The following ELMO1 variants were observed in gnomAD, a reference collection of about 807,000 sequenced individuals.
ELMO1 encodes engulfment and cell motility protein 1.
ELMO1 carries 26 observed loss-of-function variants against 98.9 expected under a neutral mutation model. The ratio of observed to expected loss-of-function variants is 0.26; its 90% CI spans 0.19 to 0.36. ELMO1 has a LOEUF of 0.36. Among genes scored for constraint, ELMO1 ranks in the 10% least tolerant of loss-of-function variants. The pLI is 1.00. For missense variants in ELMO1, 627 were observed against 935.2 expected, an observed-to-expected ratio of 0.67 and a Z score of 4.30; for synonymous variants, 346 against 346.0, an observed-to-expected ratio of 1.00 and a Z score of 0.00.
intron 1 of ELMO1, among the ~76,000 whole-genome samples, chr7:37,385,610 A>G (rs182565170): frequency 2.9e-4 from 44 of 152,186 alleles, no homozygotes; most frequent in African/African-American, 1.0e-3. Context: ...TTACTTGTTT[A>G]TTTTCTGGAT....
chr7:37,008,213 C>T (rs531318112), intron 16 of ELMO1, among the ~76,000 whole-genome samples: 19 of 152,288 alleles, frequency 1.2e-4, no homozygotes, highest in East Asian at 1.9e-4. Flanking sequence ...TTTATAAAAG[C>T]GTCAATCATC....
At chr7:37,173,353 T>C (rs56378865) in intron 13 of ELMO1, among the ~76,000 whole-genome samples, 11,190 of 151,862 alleles carry the variant, frequency 0.074, 467 homozygotes, top group Middle Eastern at 0.13. Flanking sequence ...AAAAGGACCA[T>C]TGAGGGAGTA....
chr7:37,381,148 T>C (rs1802562419), intron 1 of ELMO1, among the ~76,000 whole-genome samples: 1 of 152,208 alleles, frequency 6.6e-6, no homozygotes. Context: ...GGGTTACAAA[T>C]AGATACTAGC....
intron 2 of ELMO1, among the ~76,000 whole-genome samples, chr7:37,340,948 A>C (rs1321431364): frequency 2.6e-5 from 4 of 152,216 alleles, no homozygotes; most frequent in Non-Finnish European, 5.9e-5. Context: ...GGGACCACTG[A>C]AAATAGTTAT....
At chr7:36,938,198 T>A (rs1374544831) in intron 16 of ELMO1, among the ~76,000 whole-genome samples, 1 of 152,212 alleles carries the variant, frequency 6.6e-6, no homozygotes, top group Non-Finnish European at 1.5e-5. Context: ...TCCAAATGTG[T>A]TTCTTCCAGT....
At chr7:36,895,246 T>C (rs1038394893) in intron 16 of ELMO1, among the ~76,000 whole-genome samples, 1 of 152,056 alleles carries the variant, frequency 6.6e-6, no homozygotes, top group African/African-American at 2.4e-5. Flanking sequence ...AGGGAACTGG[T>C]GGGGTGGGGA....
At chr7:37,096,830 TC>T in intron 14 of ELMO1, 103 bp from the exon 15 acceptor site, 1 of 1,085,156 alleles carries the variant, frequency 9.2e-7, no homozygotes. Flanking sequence ...CCACTTCAGA[TC>T]CCCAAACGAA....
chr7:37,445,232 A>G (rs1805563397), intron 1 of ELMO1, among the ~76,000 whole-genome samples: 1 of 152,220 alleles, frequency 6.6e-6, no homozygotes, highest in African/African-American at 2.4e-5. Flanking sequence ...AACCAGAACT[A>G]AAGTTGCACA....
chr7:37,123,203 C>A (rs184435944), intron 14 of ELMO1, among the ~76,000 whole-genome samples: 11 of 152,230 alleles, frequency 7.2e-5, no homozygotes, highest in Admixed American at 7.2e-4. Context: ...AAAATTGACA[C>A]CCTAACTTCA....
At chr7:36,898,216 A>G (rs1806189051) in intron 16 of ELMO1, among the ~76,000 whole-genome samples, 1 of 152,226 alleles carries the variant, frequency 6.6e-6, no homozygotes, top group African/African-American at 2.4e-5. Context: ...ACAAATCAAG[A>G]CATTCACAAC....
chr7:37,175,796 G>A (rs1479028358), intron 13 of ELMO1, among the ~76,000 whole-genome samples: 3 of 152,032 alleles, frequency 2.0e-5, no homozygotes, highest in Non-Finnish European at 2.9e-5. Context: ...GCAGTGAGCC[G>A]AGATTGTACC....
chr7:37,111,950 T>A (rs1025102804), intron 14 of ELMO1, among the ~76,000 whole-genome samples: 3 of 152,210 alleles, frequency 2.0e-5, no homozygotes, highest in Admixed American at 2.0e-4. Context: ...TGAGATTTGT[T>A]GTAAGGCTTT....
intron 16 of ELMO1, among the ~76,000 whole-genome samples, chr7:36,996,511 G>A (rs1792222990): frequency 6.6e-6 from 1 of 152,186 alleles, no homozygotes; most frequent in African/African-American, 2.4e-5. Context: ...AACAGAGAGA[G>A]TAGATATGAT....
chr7:36,999,375 G>A (rs1270915026), intron 16 of ELMO1, among the ~76,000 whole-genome samples: 1 of 152,084 alleles, frequency 6.6e-6, no homozygotes, highest in East Asian at 1.9e-4. Context: ...CCTAATCTTG[G>A]TTCATTTCAT....
At chr7:37,415,295 G>A (rs537126108) in intron 1 of ELMO1, among the ~76,000 whole-genome samples, 2 of 152,180 alleles carry the variant, frequency 1.3e-5, no homozygotes, top group African/African-American at 2.4e-5. Flanking sequence ...GTTATGTTAC[G>A]TGAAAATACA....
At chr7:36,973,206 A>G (rs550747971) in intron 16 of ELMO1, among the ~76,000 whole-genome samples, 1 of 152,346 alleles carries the variant, frequency 6.6e-6, no homozygotes, top group South Asian at 2.1e-4. Context: ...AGCATGGTGC[A>G]GGCTCCCATC....
At chr7:37,184,032 T>C (rs1489191011) in intron 13 of ELMO1, among the ~76,000 whole-genome samples, 1 of 152,220 alleles carries the variant, frequency 6.6e-6, no homozygotes, top group African/African-American at 2.4e-5. Context: ...GGTTTGTTTT[T>C]CTCATTGGGG....
intron 4 of ELMO1, among the ~76,000 whole-genome samples, chr7:37,272,680 G>GA (rs35128089): frequency 3.0e-3 from 334 of 112,618 alleles, no homozygotes; most frequent in African/African-American, 5.1e-3. Context: ...CGTCTTAAAG[G>GA]AAAAAAAAAA....
chr7:36,877,401 G>A (rs1804068924), intron 19 of ELMO1, among the ~76,000 whole-genome samples: 2 of 151,944 alleles, frequency 1.3e-5, no homozygotes, highest in African/African-American at 4.8e-5. Flanking sequence ...TTCCCTGTGG[G>A]GCTAAAAGAA....
Sources: gnomAD v4.1 joint callset for allele counts (sites outside exome capture counted in the v4.1 genomes callset) on GRCh38, gnomAD v4.1.1 for gene constraint, MANE v1.5 for transcripts, NCBI Gene and HGNC (gene_info 2026-07-23, HGNC 2026-07-21) for gene names.